The following FMO1 variants were observed in gnomAD, a reference collection of about 807,000 sequenced individuals.
FMO1 encodes flavin-containing monooxygenase 1.
A neutral mutation model predicts 45.4 loss-of-function variants in FMO1; 36 were observed. The observed-to-expected ratio is 0.79, with a 90% confidence interval of 0.61 to 1.05. The LOEUF (loss-of-function observed/expected upper bound fraction) is 1.05. Ranked by LOEUF, FMO1 falls within the 50% of genes least tolerant of loss-of-function variation. FMO1 has a pLI of 0.00. For synonymous variants in FMO1, 228 were observed against 227.2 expected (o/e 1.00, Z -0.03); for missense variants, 615 against 640.3 (o/e 0.96, Z 0.43).
chr1:171,267,439 C>T (rs947655684), intron 2 of FMO1, 104 bp from the exon 3 acceptor site: 3 of 696,600 alleles, frequency 4.3e-6, no homozygotes, highest in Non-Finnish European at 7.2e-6. Context: ...TCTATATTCT[C>T]CTGTGCTTGG....
chr1:171,283,303 TGAAAAA>T (rs1558020399), intron 8 of FMO1, 87 bp downstream of exon 8: 1 of 359,800 alleles, frequency 2.8e-6, no homozygotes, highest in Non-Finnish European at 4.4e-6. Context: ...AAAAAGGAAA[TGAAAAA>T]GAAAAAAAAA....
At chr1:171,256,661 TA>T (rs1201198352) in intron 1 of FMO1, among the ~76,000 whole-genome samples, 1 of 151,874 alleles carries the variant, frequency 6.6e-6, no homozygotes, top group Non-Finnish European at 1.5e-5. Flanking sequence ...TTTATTTCAT[TA>T]AAAAAAATTG....
chr1:171,270,222 A>G (rs1260367403), intron 3 of FMO1, among the ~76,000 whole-genome samples: 1 of 152,172 alleles, frequency 6.6e-6, no homozygotes, highest in Admixed American at 6.5e-5. Context: ...CCATGCTTTG[A>G]GTAGATTGAT....
chr1:171,270,904 T>C (rs575200691), intron 3 of FMO1: 3 of 717,984 alleles, frequency 4.2e-6, no homozygotes, highest in African/African-American at 1.8e-5. Context: ...TTGTGAACAG[T>C]AGGGTTAAAT....
chr1:171,261,455 T>C (rs1001170847), intron 2 of FMO1, among the ~76,000 whole-genome samples: 4 of 152,222 alleles, frequency 2.6e-5, no homozygotes, highest in African/African-American at 7.2e-5. Context: ...CAGAAGGGAA[T>C]TCTTACTGCC....
At chr1:171,257,529 A>G (rs1273299427) in intron 1 of FMO1, among the ~76,000 whole-genome samples, 1 of 152,122 alleles carries the variant, frequency 6.6e-6, no homozygotes, top group Non-Finnish European at 1.5e-5. Context: ...GGGCCCTGGC[A>G]TTGTGCCAGG....
At chr1:171,282,965 G>A (rs1177856485) in intron 7 of FMO1, 179 bp from the exon 8 acceptor site, 7 of 480,888 alleles carry the variant, frequency 1.5e-5, no homozygotes, top group Admixed American at 4.2e-5. Context: ...TCAGCTGACG[G>A]CATTATTACC....
chr1:171,256,138 T>C (rs1237411612), intron 1 of FMO1, among the ~76,000 whole-genome samples: 1 of 151,856 alleles, frequency 6.6e-6, no homozygotes, highest in Non-Finnish European at 1.5e-5. Flanking sequence ...CCAGGCATGG[T>C]GGCGGGCGCC....
intron 2 of FMO1, among the ~76,000 whole-genome samples, chr1:171,258,649 G>A (rs746656902): frequency 2.6e-5 from 4 of 152,194 alleles, no homozygotes; most frequent in Non-Finnish European, 5.9e-5. Flanking sequence ...GCCTGGCTCC[G>A]TCTGCATTAC....
chr1:171,258,456 C>G (rs137910736), intron 2 of FMO1, among the ~76,000 whole-genome samples: 1 of 152,224 alleles, frequency 6.6e-6, no homozygotes, highest in African/African-American at 2.4e-5. Flanking sequence ...AGAAGTGTTT[C>G]CAAAGATGCC....
chr1:171,267,521 T>C lies in FMO1; in HGVS notation c.133-22T>C, dbSNP rs746033149. On this transcript the variant is annotated intron_variant, in intron 2 of 8. Coordinates refer to ENST00000617670, the MANE Select transcript of FMO1 (RefSeq NM_001282693.2). ...TTTATGAGCATGCAATGAATGTTCA[T>C]GTGTGTGCACTGTTTGTACAGGAAC... 46 of 1,553,658 alleles carry C rather than the reference T, an allele frequency of 3.0e-5. No individual in the cohort carries two copies. The Middle Eastern group carries it at 8.6e-4, about 29-fold the overall frequency.
chr1:171,280,304 G>A (rs1237171201), intron 5 of FMO1, among the ~76,000 whole-genome samples: 2 of 152,144 alleles, frequency 1.3e-5, no homozygotes, highest in East Asian at 3.9e-4. Context: ...TGTGAATTCG[G>A]TCAACTGGTA....
At chr1:171,254,208 C>T (rs1660043209) in intron 1 of FMO1, among the ~76,000 whole-genome samples, 1 of 152,092 alleles carries the variant, frequency 6.6e-6, no homozygotes, top group South Asian at 2.1e-4. Context: ...CCTGCCTCAG[C>T]CTCCCAAGTA....
intron 3 of FMO1, among the ~76,000 whole-genome samples, chr1:171,270,243 T>A (rs1660792651): frequency 2.0e-5 from 3 of 152,254 alleles, no homozygotes; most frequent in Non-Finnish European, 2.9e-5. Context: ...TACTCTTCAG[T>A]TTGTAAATGT....
chr1:171,256,683 T>A (rs1660174973), intron 1 of FMO1, among the ~76,000 whole-genome samples: 1 of 152,074 alleles, frequency 6.6e-6, no homozygotes, highest in Non-Finnish European at 1.5e-5. Flanking sequence ...AGCATTTTAG[T>A]CTCTACAGTT....
In FMO1 at chr1:171,279,896, C is replaced by T. The variant is rs189266195; in HGVS notation, c.628-890C>T. Among the ~76,000 whole-genome samples, 7 of 152,288 alleles carry T rather than the reference C, an allele frequency of 4.6e-5. No individual in the cohort carries two copies. In the East Asian group the frequency reaches 1.2e-3, roughly 25 times the overall value. ...AGTTCCTGTCTTTAGTTCCCCTTTG[C>T]TCACGCTACCCCTCTCTCTTCTTCA... On this transcript the variant is annotated intron_variant, in intron 5 of 8. Transcript: ENST00000617670.
chr1:171,255,760 C>T (rs897751818), intron 1 of FMO1, among the ~76,000 whole-genome samples: 1 of 152,124 alleles, frequency 6.6e-6, no homozygotes, highest in Non-Finnish European at 1.5e-5. Flanking sequence ...GGCTCCTCAC[C>T]CTCCCCTAAC....
In FMO1 at chr1:171,267,740, C is replaced by T; in HGVS notation, c.321+9C>T. ...AACACATTCAATTCAAGGTAAGACA[C>T]AAAACATCAGTTAGTAGTCAGAAAG... On this transcript the variant is annotated intron_variant, in intron 3 of 8. Coordinates refer to ENST00000617670, the MANE Select transcript of FMO1 (RefSeq NM_001282693.2). 1 of 1,595,998 alleles carries T rather than the reference C, an allele frequency of 6.3e-7. No homozygotes were observed. The highest frequency in any genetic ancestry group is 8.6e-7 in the Non-Finnish European group (1 of 1,168,404).
chr1:171,273,514 TTTG>T (rs201416000), intron 3 of FMO1, among the ~76,000 whole-genome samples: 4 of 152,072 alleles, frequency 2.6e-5, no homozygotes, highest in South Asian at 2.1e-4. Flanking sequence ...CCTTTTTTAT[TTTG>T]TTGTTGTTGT....
Sources: gnomAD v4.1 joint callset for allele counts (sites outside exome capture counted in the v4.1 genomes callset) on GRCh38, gnomAD v4.1.1 for gene constraint, MANE v1.5 for transcripts, NCBI Gene and HGNC (gene_info 2026-07-23, HGNC 2026-07-21) for gene names.